Variants in LRRC7 observed in about 807,000 individuals in gnomAD.
The protein encoded by LRRC7 is leucine rich repeat containing 7, also known as leucine-rich repeat-containing protein 7.
Under a neutral mutation model 175.7 loss-of-function variants are expected in LRRC7, and 23 were observed. That is an observed-to-expected ratio of 0.13 (90% CI 0.09 to 0.19). The LOEUF (loss-of-function observed/expected upper bound fraction) is 0.19. LRRC7 is among the 10% of genes least tolerant of loss of function. LRRC7 has a pLI of 1.00. For missense variants in LRRC7, 1,354 were observed against 1,904.7 expected (o/e 0.71, Z 5.38); for synonymous variants, 685 against 680.9 (o/e 1.01, Z -0.09).
At chr1:69,680,350 T>A (rs1011502191) in intron 2 of LRRC7, among the ~76,000 whole-genome samples, 3 of 152,094 alleles carry the variant, frequency 2.0e-5, no homozygotes, top group African/African-American at 7.2e-5. Flanking sequence ...ATTGGTATAG[T>A]TCATAATCAA....
chr1:70,042,072 C>G (rs1476631621), intron 21 of LRRC7, among the ~76,000 whole-genome samples: 2 of 152,226 alleles, frequency 1.3e-5, no homozygotes, highest in African/African-American at 4.8e-5. Context: ...AATAGCTTCT[C>G]ATTTAATTCC....
chr1:69,988,117 C>T (rs1654101667), intron 10 of LRRC7, among the ~76,000 whole-genome samples: 1 of 152,200 alleles, frequency 6.6e-6, no homozygotes, highest in South Asian at 2.1e-4. Flanking sequence ...CCTTACACTC[C>T]TACTCACCAC....
chr1:69,731,052 A>G lies in LRRC7; in HGVS notation c.101-29139A>G, dbSNP rs533883912. On this transcript the variant is annotated intron_variant, in intron 2 of 26. Transcript: ENST00000651989. ...TGCAGTGGCTCACACCTGTAATCCC[A>G]GCACCTTGGGAGGCTGAGGTGGGCG... Among the ~76,000 whole-genome samples the G allele has an allele frequency of 5.1e-4, 78 of 152,246 alleles. No individual in the cohort carries two copies. In the South Asian group the frequency reaches 9.5e-3, roughly 19 times the overall value.
At chr1:69,738,005 A>C (rs1668303029) in intron 2 of LRRC7, among the ~76,000 whole-genome samples, 1 of 151,994 alleles carries the variant, frequency 6.6e-6, no homozygotes, top group South Asian at 2.1e-4. Context: ...ACTCTATTGC[A>C]CTTGTCAAAT....
chr1:69,878,740 A>G (rs1686273711), intron 7 of LRRC7, among the ~76,000 whole-genome samples: 1 of 151,632 alleles, frequency 6.6e-6, no homozygotes, highest in Non-Finnish European at 1.5e-5. Flanking sequence ...AATGGGATAA[A>G]CAGACTTTGA....
At chr1:69,591,708 T>G (rs1042039555) in intron 1 of LRRC7, among the ~76,000 whole-genome samples, 2 of 152,036 alleles carry the variant, frequency 1.3e-5, no homozygotes, top group Non-Finnish European at 2.9e-5. Flanking sequence ...GGATTGATGA[T>G]CAGGTGAGTA....
chr1:69,568,644 G>T lies in LRRC7; in HGVS notation c.2+3G>T. On this transcript the variant is annotated splice_donor_region_variant and intron_variant, in intron 1 of 26. Transcript: ENST00000651989. ...GGGCAGTTTCTCCCGCCGGCGATGT[G>T]AGTAAGGCACGCTCGCTCCGTGGCG... 7.4e-7 allele frequency: 1 copy of T among 1,350,154 alleles called. No homozygotes were observed. The highest frequency in any genetic ancestry group is 9.9e-7 in the Non-Finnish European group (1 of 1,015,126). The allele number at this position is 1,350,154 out of a possible 1,614,324, so 83.6% of individuals were successfully genotyped here.
intron 2 of LRRC7, among the ~76,000 whole-genome samples, chr1:69,742,844 T>A (rs191809766): frequency 6.6e-6 from 1 of 152,118 alleles, no homozygotes; most frequent in Non-Finnish European, 1.5e-5. Flanking sequence ...AATAATTTTT[T>A]AATGTTATAT....
At chr1:69,745,767 TAAATG>T (rs138559824) in intron 2 of LRRC7, among the ~76,000 whole-genome samples, 13,943 of 151,438 alleles carry the variant, frequency 0.092, 685 homozygotes, top group Middle Eastern at 0.18. Context: ...GGTGCAACCT[TAAATG>T]AATGACAGGA....
At chr1:69,702,969 T>A (rs1663558220) in intron 2 of LRRC7, among the ~76,000 whole-genome samples, 1 of 152,094 alleles carries the variant, frequency 6.6e-6, no homozygotes, top group African/African-American at 2.4e-5. Context: ...TCAATTGCAG[T>A]GTTTATTACA....
intron 1 of LRRC7, among the ~76,000 whole-genome samples, chr1:69,594,024 G>A (rs947105216): frequency 6.6e-6 from 1 of 152,114 alleles, no homozygotes; most frequent in Admixed American, 6.5e-5. Context: ...TTGAAATGGA[G>A]ATGACAATTC....
At chr1:70,044,359 G>A (rs990808104) in intron 22 of LRRC7, among the ~76,000 whole-genome samples, 26 of 151,966 alleles carry the variant, frequency 1.7e-4, no homozygotes, top group African/African-American at 6.0e-4. Context: ...TTGCTTCAAG[G>A]TTCATTTTTC....
Position 69,609,855 on chromosome 1 carries a change from C to T in LRRC7, c.2+41214C>T, listed in dbSNP as rs1648415394. 1.3e-5 allele frequency among the ~76,000 whole-genome samples: 2 copies of T among 152,004 alleles called. 1 individual carries two copies. Among genetic ancestry groups the T allele is most frequent in the South Asian group, 4.1e-4 (2 of 4,830 alleles). ...AGAATAATGCCTAGAAATGAGATGA[C>T]TCATACAACCGGCATTTTATAAGCT... On this transcript the variant is annotated intron_variant, in intron 1 of 26. Coordinates refer to ENST00000651989, the MANE Select transcript of LRRC7 (RefSeq NM_001370785.2).
At chr1:69,741,055 C>T (rs1169529166) in intron 2 of LRRC7, among the ~76,000 whole-genome samples, 1 of 151,646 alleles carries the variant, frequency 6.6e-6, no homozygotes, top group Non-Finnish European at 1.5e-5. Context: ...CTGCAATGAC[C>T]AAAGGCAAAC....
At chr1:70,017,081 C>T (rs1457563729) in intron 14 of LRRC7, among the ~76,000 whole-genome samples, 1 of 152,022 alleles carries the variant, frequency 6.6e-6, no homozygotes, top group African/African-American at 2.4e-5. Flanking sequence ...AGTTCAAGAC[C>T]AGCCTGACCA....
intron 9 of LRRC7, among the ~76,000 whole-genome samples, chr1:69,984,259 T>A (rs962846948): frequency 2.6e-5 from 4 of 152,166 alleles, no homozygotes; most frequent in Non-Finnish European, 5.9e-5. Context: ...CCAAGTGGTG[T>A]CAATGCTGCT....
At chr1:69,880,127 G>A (rs1570469938) in intron 7 of LRRC7, among the ~76,000 whole-genome samples, 1 of 152,128 alleles carries the variant, frequency 6.6e-6, no homozygotes, top group Admixed American at 6.6e-5. Flanking sequence ...GAGAAAAAGA[G>A]GCAAATTAAA....
chr1:70,028,164 C>T lies in LRRC7; in HGVS notation c.1795-7C>T, dbSNP rs1217113336. On this transcript the variant is annotated splice_region_variant and splice_polypyrimidine_tract_variant and intron_variant, in intron 17 of 26. Coordinates refer to ENST00000651989, the MANE Select transcript of LRRC7 (RefSeq NM_001370785.2). Reference sequence around the variant, plus strand: ...TTTATGTTAAATTTCTTTTTGTAAACTTCTAGGTTGAAATAAACCTAAAAC... The same window carrying T: ...TTTATGTTAAATTTCTTTTTGTAAATTTCTAGGTTGAAATAAACCTAAAAC... 6.2e-7 allele frequency: 1 copy of T among 1,606,702 alleles called. No individual in the cohort carries two copies. The highest frequency in any genetic ancestry group is 1.7e-5 in the Admixed American group (1 of 59,442).
chr1:69,760,500 A>G lies in LRRC7; in HGVS notation c.303+107A>G, dbSNP rs1670922763. On this transcript the variant is annotated intron_variant, in intron 3 of 26. Coordinates refer to ENST00000651989, the MANE Select transcript of LRRC7 (RefSeq NM_001370785.2). ...CTATGGGCTCCTATCTAGGTAACTGACAAGTCATTGAAATTGATATAACTT... is the reference window on the plus strand; with the variant it reads ...CTATGGGCTCCTATCTAGGTAACTGGCAAGTCATTGAAATTGATATAACTT... 11 of 900,462 alleles carry G rather than the reference A, an allele frequency of 1.2e-5. No individual in the cohort carries two copies. The South Asian group carries it at 1.6e-4, about 13-fold the overall frequency. The allele number at this position is 900,462 out of a possible 1,614,324, so 55.8% of individuals were successfully genotyped here. A position where few individuals can be genotyped will look rare whatever the true frequency, so the allele number is the denominator to read the frequency against.
Sources: allele counts gnomAD v4.1 joint callset (sites outside exome capture counted in the v4.1 genomes callset), GRCh38; gene constraint gnomAD v4.1.1; transcripts MANE v1.5; gene names NCBI Gene and HGNC (gene_info 2026-07-23, HGNC 2026-07-21).